ZCCHC7: variants seen among roughly 807,000 people sequenced by gnomAD.
The protein encoded by ZCCHC7 is zinc finger CCHC-type containing 7, also known as zinc finger CCHC domain-containing protein 7.
ZCCHC7 carries 35 observed loss-of-function variants against 52.0 expected under a neutral mutation model. That is an observed-to-expected ratio of 0.67 (90% CI 0.51 to 0.89). The LOEUF (loss-of-function observed/expected upper bound fraction) is 0.89, where lower values mean the gene tolerates loss of function less well. Ranked by LOEUF, ZCCHC7 falls within the 40% of genes least tolerant of loss-of-function variation. The pLI is 0.00. For synonymous variants in ZCCHC7, 217 were observed against 221.5 expected (o/e 0.98, Z 0.18); for missense variants, 574 against 649.1 (o/e 0.88, Z 1.26).
intron 2 of ZCCHC7, among the ~76,000 whole-genome samples, chr9:37,185,484 T>G (rs1045869847): frequency 6.6e-6 from 1 of 152,232 alleles, no homozygotes; most frequent in Non-Finnish European, 1.5e-5. Flanking sequence ...TGTAACAAAT[T>G]ACCATAAACT....
At chr9:37,284,953 T>G (rs1202770066) in intron 2 of ZCCHC7, among the ~76,000 whole-genome samples, 1 of 152,234 alleles carries the variant, frequency 6.6e-6, no homozygotes, top group Non-Finnish European at 1.5e-5. Flanking sequence ...TATGTACAAA[T>G]TTAGGCTTTA....
intron 2 of ZCCHC7, among the ~76,000 whole-genome samples, chr9:37,179,489 CAG>C (rs1295118736): frequency 6.6e-6 from 1 of 152,114 alleles, no homozygotes; most frequent in African/African-American, 2.4e-5. Context: ...AAAAATGTAA[CAG>C]AACATTATCT....
At chr9:37,305,278 T>C (rs1829246014) in intron 4 of ZCCHC7, among the ~76,000 whole-genome samples, 1 of 151,670 alleles carries the variant, frequency 6.6e-6, no homozygotes, top group African/African-American at 2.4e-5. Flanking sequence ...CCCTCTTACA[T>C]ACCTTTCATT....
At chr9:37,173,475 G>A (rs914128784) in intron 2 of ZCCHC7, among the ~76,000 whole-genome samples, 10 of 152,154 alleles carry the variant, frequency 6.6e-5, no homozygotes, top group South Asian at 2.1e-4. Context: ...AGGACTCACC[G>A]TAGAATTCCT....
At chr9:37,183,692 T>C (rs2133061304) in intron 2 of ZCCHC7, among the ~76,000 whole-genome samples, 1 of 152,362 alleles carries the variant, frequency 6.6e-6, no homozygotes, top group South Asian at 2.1e-4. Context: ...ATTTTACTTA[T>C]TTTACTTTCC....
chr9:37,267,791 G>A (rs772966778), intron 2 of ZCCHC7, among the ~76,000 whole-genome samples: 6 of 151,868 alleles, frequency 4.0e-5, no homozygotes, highest in Non-Finnish European at 8.8e-5. Flanking sequence ...GGATGGTCTC[G>A]ATCTCCTGAC....
intron 2 of ZCCHC7, among the ~76,000 whole-genome samples, chr9:37,214,343 C>G (rs553125990): frequency 2.5e-3 from 382 of 152,072 alleles, no homozygotes; most frequent in Middle Eastern, 0.024. Flanking sequence ...TTTCTAGATA[C>G]ATAGAAAGGG....
chr9:37,287,585 C>CT (rs1396815547), intron 2 of ZCCHC7, among the ~76,000 whole-genome samples: 2 of 152,038 alleles, frequency 1.3e-5, no homozygotes, highest in Non-Finnish European at 2.9e-5. Flanking sequence ...GGCCAAGACT[C>CT]TAAGCAAGCA....
At chr9:37,325,978 A>G (rs1269246277) in intron 5 of ZCCHC7, 1 of 152,236 alleles carries the variant, frequency 6.6e-6, no homozygotes, top group Non-Finnish European at 1.5e-5. Context: ...AAAAGGTCAC[A>G]TGGTAGAGTG....
At position 37,126,245 on chromosome 9, in the gene ZCCHC7, T is replaced by C. The variant is rs546955114; in HGVS notation, c.-21-67T>C. ...TAGCAGTTGTCACTGACAGGTGATA[T>C]TGTTACTTAAACTGGCATGATCTGA... On this transcript the variant is annotated intron_variant, in intron 1 of 8. Transcript: ENST00000336755. The C allele has an allele frequency of 2.1e-6, 3 of 1,412,288 alleles. No individual in the cohort carries two copies. In the East Asian group the frequency reaches 6.9e-5, roughly 32 times the overall value. The allele number at this position is 1,412,288 out of a possible 1,614,324, so 87.5% of individuals were successfully genotyped here. A position where few individuals can be genotyped will look rare whatever the true frequency, so the allele number is the denominator to read the frequency against.
intron 2 of ZCCHC7, among the ~76,000 whole-genome samples, chr9:37,154,774 G>A (rs1820720525): frequency 6.6e-6 from 1 of 152,028 alleles, no homozygotes; most frequent in Non-Finnish European, 1.5e-5. Context: ...GATTACAGGT[G>A]TGAGCCACTG....
Position 37,306,709 on chromosome 9 carries a change from C to T in ZCCHC7, c.951+995C>T, listed in dbSNP as rs574235622. Among the ~76,000 whole-genome samples, 485 of 148,060 alleles carry T rather than the reference C, an allele frequency of 3.3e-3. 2 individuals are homozygous for T. The highest frequency in any genetic ancestry group is 9.1e-3 in the African/African-American group (366 of 40,162). Reference sequence around the variant, plus strand: ...CGATCTCCTGACCTCATGATCCGCCCGCCTCGGCCTCCCAAAGTGCTGGGA... The same window carrying T: ...CGATCTCCTGACCTCATGATCCGCCTGCCTCGGCCTCCCAAAGTGCTGGGA... On this transcript the variant is annotated intron_variant, in intron 5 of 8. Transcript: ENST00000336755.
At chr9:37,317,890 T>C (rs1300296929) in intron 5 of ZCCHC7, among the ~76,000 whole-genome samples, 2 of 132,058 alleles carry the variant, frequency 1.5e-5, no homozygotes, top group East Asian at 4.6e-4. Flanking sequence ...TTAACAAAAG[T>C]AATTGGCAGA....
At chr9:37,333,155 G>C (rs1830515830) in intron 6 of ZCCHC7, among the ~76,000 whole-genome samples, 1 of 151,598 alleles carries the variant, frequency 6.6e-6, no homozygotes, top group African/African-American at 2.4e-5. Context: ...AGTACTTTAT[G>C]ATGGTAATCC....
intron 5 of ZCCHC7, among the ~76,000 whole-genome samples, chr9:37,308,079 A>T (rs1444536860): frequency 2.0e-5 from 3 of 152,140 alleles, no homozygotes; most frequent in African/African-American, 7.2e-5. Flanking sequence ...AAAAAATGAT[A>T]TTTTATTGTT....
chr9:37,244,350 A>G (rs918806748), intron 2 of ZCCHC7, among the ~76,000 whole-genome samples: 2 of 151,822 alleles, frequency 1.3e-5, no homozygotes, highest in African/African-American at 4.8e-5. Flanking sequence ...CCTACTGAAT[A>G]TACCATAGTA....
intron 2 of ZCCHC7, among the ~76,000 whole-genome samples, chr9:37,184,306 G>A (rs1463440650): frequency 6.6e-6 from 1 of 151,246 alleles, no homozygotes; most frequent in African/African-American, 2.4e-5. Context: ...TCAGGGGCTG[G>A]TTTGGATCAT....
intron 2 of ZCCHC7, among the ~76,000 whole-genome samples, chr9:37,157,712 G>A (rs1419318481): frequency 6.6e-6 from 1 of 152,140 alleles, no homozygotes; most frequent in Non-Finnish European, 1.5e-5. Flanking sequence ...CACTTTTCAG[G>A]GAAATGCAAA....
At chr9:37,163,179 AAC>A (rs1194621646) in intron 2 of ZCCHC7, among the ~76,000 whole-genome samples, 4 of 152,008 alleles carry the variant, frequency 2.6e-5, no homozygotes, top group Non-Finnish European at 5.9e-5. Flanking sequence ...TCAGCCTGGC[AAC>A]AGAGTGAGAC....
Sources: allele counts gnomAD v4.1 joint callset (sites outside exome capture counted in the v4.1 genomes callset), GRCh38; gene constraint gnomAD v4.1.1; transcripts MANE v1.5; gene names NCBI Gene and HGNC (gene_info 2026-07-23, HGNC 2026-07-21).